PPP1R14C: variants seen among roughly 807,000 people sequenced by gnomAD.
The protein encoded by PPP1R14C is protein phosphatase 1 regulatory subunit 14C.
PPP1R14C carries 16 observed loss-of-function variants against 20.4 expected under a neutral mutation model. The observed-to-expected ratio is 0.78, with a 90% CI of 0.53 to 1.19. The LOEUF (loss-of-function observed/expected upper bound fraction) is 1.19. PPP1R14C is among the 50% of genes most tolerant of loss of function. The probability of loss-of-function intolerance (pLI) is 0.00; values close to 1 mark genes in which losing one functional copy is unlikely to be tolerated. For synonymous variants in PPP1R14C, 91 were observed against 91.0 expected (o/e 1.00, Z 0.00); for missense variants, 211 against 220.1 (o/e 0.96, Z 0.26).
At chr6:150,203,735 C>T (rs918565157) in intron 1 of PPP1R14C, among the ~76,000 whole-genome samples, 1 of 152,232 alleles carries the variant, frequency 6.6e-6, no homozygotes, top group South Asian at 2.1e-4. Context: ...TGCTTTTATT[C>T]CATCATCGGG....
intron 1 of PPP1R14C, among the ~76,000 whole-genome samples, chr6:150,183,945 G>A (rs989730697): frequency 3.3e-5 from 5 of 152,204 alleles, no homozygotes; most frequent in Non-Finnish European, 7.3e-5. Flanking sequence ...ATGGTGTAAC[G>A]CTTACTTTCC....
intron 1 of PPP1R14C, among the ~76,000 whole-genome samples, chr6:150,209,814 CAT>C (rs1158101889): frequency 4.3e-5 from 6 of 139,558 alleles, no homozygotes; most frequent in East Asian, 2.1e-4. Flanking sequence ...TGTTTATATT[CAT>C]GTGTGTGTAT....
At chr6:150,234,171 C>A (rs544115476) in intron 3 of PPP1R14C, among the ~76,000 whole-genome samples, 15 of 152,094 alleles carry the variant, frequency 9.9e-5, no homozygotes, top group African/African-American at 3.6e-4. Flanking sequence ...TTGAAAAACT[C>A]CCCCCAAAAT....
rs9480002 is a variant in PPP1R14C at position 150,235,178 on chromosome 6, C to T, written c.424-13568C>T. On this transcript the variant is annotated intron_variant, in intron 3 of 3. Transcript: ENST00000361131. ...TCATAGCTCACTGCAGCCTCGAAAT[C>T]CTTGGGCTCAAATGATCCTCCTGCC... 4.1e-3 allele frequency among the ~76,000 whole-genome samples: 626 copies of T among 152,322 alleles called. 4 individuals are homozygous for T. Among genetic ancestry groups the T allele is most frequent in the African/African-American group, 0.014 (583 of 41,582 alleles).
chr6:150,191,972 CT>C (rs1225344993), intron 1 of PPP1R14C, among the ~76,000 whole-genome samples: 1 of 152,128 alleles, frequency 6.6e-6, no homozygotes, highest in Non-Finnish European at 1.5e-5. Flanking sequence ...TGCACAGAGG[CT>C]GGAGCTTGCT....
At chr6:150,241,904 G>GAATTGAT (rs1289025380) in intron 3 of PPP1R14C, among the ~76,000 whole-genome samples, 5 of 152,026 alleles carry the variant, frequency 3.3e-5, no homozygotes, top group Non-Finnish European at 5.9e-5. Flanking sequence ...AAAAAAAAGT[G>GAATTGAT]TCAGAATTGA....
chr6:150,195,557 G>C (rs550195664), intron 1 of PPP1R14C, among the ~76,000 whole-genome samples: 1 of 152,286 alleles, frequency 6.6e-6, no homozygotes, highest in Non-Finnish European at 1.5e-5. Flanking sequence ...ATGTTGCCCA[G>C]GCTGGTCTTG....
At chr6:150,211,169 G>T (rs892533874) in intron 1 of PPP1R14C, among the ~76,000 whole-genome samples, 1 of 152,162 alleles carries the variant, frequency 6.6e-6, no homozygotes, top group African/African-American at 2.4e-5. Context: ...GTGGCTTTGG[G>T]GCCATTGCAT....
At chr6:150,181,778 C>CT (rs36022174) in intron 1 of PPP1R14C, among the ~76,000 whole-genome samples, 5 of 152,264 alleles carry the variant, frequency 3.3e-5, no homozygotes, top group African/African-American at 1.2e-4. Context: ...ACATAGCATA[C>CT]TTTTTGTGTA....
At chr6:150,196,462 T>C (rs2114892448) in intron 1 of PPP1R14C, among the ~76,000 whole-genome samples, 1 of 152,300 alleles carries the variant, frequency 6.6e-6, no homozygotes, top group East Asian at 1.9e-4. Flanking sequence ...ACTTTTTTTT[T>C]TTTTGAATCT....
chr6:150,228,454 C>G (rs575163089), intron 3 of PPP1R14C, among the ~76,000 whole-genome samples: 4 of 152,292 alleles, frequency 2.6e-5, no homozygotes, highest in Non-Finnish European at 5.9e-5. Flanking sequence ...CCACTTGTCT[C>G]CTCCCTGTGG....
At chr6:150,223,884 C>T (rs955479096) in intron 3 of PPP1R14C, among the ~76,000 whole-genome samples, 5 of 152,140 alleles carry the variant, frequency 3.3e-5, no homozygotes, top group Admixed American at 6.5e-5. Context: ...TTTTCTTTCA[C>T]GGATCATGCC....
chr6:150,191,001 C>T (rs1376712025), intron 1 of PPP1R14C, among the ~76,000 whole-genome samples: 3 of 152,172 alleles, frequency 2.0e-5, no homozygotes, highest in Non-Finnish European at 2.9e-5. Context: ...CCCACCCTAC[C>T]CACACGGTTA....
At chr6:150,189,687 T>G (rs1303510528) in intron 1 of PPP1R14C, among the ~76,000 whole-genome samples, 3 of 152,210 alleles carry the variant, frequency 2.0e-5, no homozygotes, top group African/African-American at 7.2e-5. Context: ...TTTCTTTCGG[T>G]AGAGAACATT....
chr6:150,246,529 C>G (rs1192654335), intron 3 of PPP1R14C, among the ~76,000 whole-genome samples: 1 of 152,104 alleles, frequency 6.6e-6, no homozygotes, highest in Non-Finnish European at 1.5e-5. Flanking sequence ...TTATTTAAAT[C>G]AGAATAGACA....
intron 1 of PPP1R14C, among the ~76,000 whole-genome samples, chr6:150,172,414 G>A (rs1041562169): frequency 3.9e-5 from 6 of 152,160 alleles, no homozygotes; most frequent in African/African-American, 1.4e-4. Flanking sequence ...GTTTTTGTGT[G>A]TGTGTGTTAA....
chr6:150,205,911 T>C (rs1777943920), intron 1 of PPP1R14C, among the ~76,000 whole-genome samples: 1 of 152,202 alleles, frequency 6.6e-6, no homozygotes, highest in Non-Finnish European at 1.5e-5. Context: ...TAACTGGTCT[T>C]TTCGCGTATG....
intron 1 of PPP1R14C, among the ~76,000 whole-genome samples, chr6:150,200,521 C>G (rs999180868): frequency 5.9e-5 from 9 of 152,288 alleles, no homozygotes; most frequent in African/African-American, 1.9e-4. Context: ...TCCTTTTCCA[C>G]TGCTGAGCAG....
chr6:150,218,599 CA>C, intron 3 of PPP1R14C, among the ~76,000 whole-genome samples: 1 of 150,960 alleles, frequency 6.6e-6, no homozygotes, highest in Non-Finnish European at 1.5e-5. Flanking sequence ...TTTTCATAAG[CA>C]ACACTTTTGC....
Sources: allele counts gnomAD v4.1 joint callset (sites outside exome capture counted in the v4.1 genomes callset), GRCh38; gene constraint gnomAD v4.1.1; transcripts MANE v1.5; gene names NCBI Gene and HGNC (gene_info 2026-07-23, HGNC 2026-07-21).